SCARA5: variants seen among roughly 807,000 people sequenced by gnomAD.
SCARA5 encodes the protein scavenger receptor class A, member 5 (putative).
In SCARA5, 45 loss-of-function variants were observed where a neutral mutation model predicts 46.3. The observed-to-expected ratio is 0.97, with a 90% CI of 0.76 to 1.24. SCARA5 has a LOEUF of 1.24. SCARA5 is among the 50% of genes most tolerant of loss of function. The probability of loss-of-function intolerance (pLI) is 0.00; values close to 1 mark genes in which losing one functional copy is unlikely to be tolerated. For synonymous variants in SCARA5, 333 were observed against 306.5 expected, an observed-to-expected ratio of 1.09 and a Z score of -0.90; for missense variants, 680 against 689.0, an observed-to-expected ratio of 0.99 and a Z score of 0.15.
chr8:27,979,512 A>G (rs935899807), intron 2 of SCARA5, among the ~76,000 whole-genome samples: 3 of 150,960 alleles, frequency 2.0e-5, no homozygotes, highest in Admixed American at 6.6e-5. Flanking sequence ...CTCAGCAGAG[A>G]TGGGGTGTGA....
At chr8:27,883,917 T>C (rs1250622007) in intron 7 of SCARA5, among the ~76,000 whole-genome samples, 11 of 152,152 alleles carry the variant, frequency 7.2e-5, no homozygotes, top group Admixed American at 2.0e-4. Context: ...CCAAGTGGGC[T>C]GGAAGGAGCC....
At position 27,955,240 on chromosome 8, in the gene SCARA5, G is replaced by A. The variant is rs571164066; in HGVS notation, c.241+11174C>T. On this transcript the variant is annotated intron_variant, in intron 3 of 8. Coordinates refer to ENST00000354914, the MANE Select transcript of SCARA5 (RefSeq NM_173833.6). ...GACTCTTACCAGACAGAAACACAGC[G>A]AGGGACCCTGGGAGATGTCCTATCA... Among the ~76,000 whole-genome samples, 5 of 152,278 alleles carry A rather than the reference G, an allele frequency of 3.3e-5. No individual in the cohort carries two copies. In the East Asian group the frequency reaches 9.7e-4, roughly 29 times the overall value.
intron 7 of SCARA5, among the ~76,000 whole-genome samples, chr8:27,904,004 G>C (rs1230787490): frequency 2.9e-5 from 4 of 139,010 alleles, no homozygotes; most frequent in Non-Finnish European, 6.2e-5. Flanking sequence ...TTCTTCTCTG[G>C]CAAGTCTCCA....
At chr8:27,916,684 C>A (rs545988813) in intron 4 of SCARA5, among the ~76,000 whole-genome samples, 1 of 152,086 alleles carries the variant, frequency 6.6e-6, no homozygotes. Flanking sequence ...TTCAGATATA[C>A]CAGCAGGAAT....
intron 3 of SCARA5, among the ~76,000 whole-genome samples, chr8:27,941,753 A>C (rs1405346466): frequency 6.6e-6 from 1 of 151,486 alleles, no homozygotes; most frequent in Non-Finnish European, 1.5e-5. Flanking sequence ...TGTGGACATC[A>C]TCTCATTTTG....
intron 7 of SCARA5, among the ~76,000 whole-genome samples, chr8:27,886,586 G>C (rs1224276074): frequency 1.3e-5 from 2 of 152,164 alleles, no homozygotes; most frequent in African/African-American, 4.8e-5. Flanking sequence ...AGGCAGGCAG[G>C]CAGGAGCCTT....
intron 3 of SCARA5, among the ~76,000 whole-genome samples, chr8:27,922,847 G>A (rs1487984529): frequency 8.5e-5 from 13 of 152,172 alleles, no homozygotes; most frequent in Non-Finnish European, 2.9e-5. Flanking sequence ...TATTAGATTA[G>A]CAACTTTTTA....
intron 4 of SCARA5, among the ~76,000 whole-genome samples, chr8:27,913,026 C>T (rs749775458): frequency 1.1e-4 from 16 of 151,632 alleles, no homozygotes; most frequent in South Asian, 2.1e-4. Context: ...CTCTGCATAA[C>T]GCCTCCTCAC....
chr8:27,956,938 C>T (rs557908423), intron 3 of SCARA5, among the ~76,000 whole-genome samples: 95 of 152,256 alleles, frequency 6.2e-4, no homozygotes, highest in Middle Eastern at 6.8e-3. Flanking sequence ...GGGTGGAGGA[C>T]GGGAGCTCAT....
At position 27,988,113 on chromosome 8, in the gene SCARA5, G is replaced by T. The variant is rs542338362; in HGVS notation, c.-15-483C>A. ...TAGATATGAAGGGGCATTCAGAGGG[G>T]GTACAGAGTCCACTTGCAAACAAAG... On this transcript the variant is annotated intron_variant, in intron 1 of 8. Coordinates refer to ENST00000354914, the MANE Select transcript of SCARA5 (RefSeq NM_173833.6). 2.6e-5 allele frequency among the ~76,000 whole-genome samples: 4 copies of T among 152,302 alleles called. No homozygotes were observed. The South Asian group carries it at 8.3e-4, about 32-fold the overall frequency.
Position 27,955,159 on chromosome 8 carries a change from T to A in SCARA5, c.241+11255A>T, listed in dbSNP as rs142457618. On this transcript the variant is annotated intron_variant, in intron 3 of 8. Transcript: ENST00000354914. ...CCAGAGACCCCTCTAGAGATGGGGA[T>A]CCCTGTGACCAGTGTTACTGGCACC... Among the ~76,000 whole-genome samples the A allele has an allele frequency of 3.7e-4, 56 of 152,232 alleles. No homozygotes were observed. In the South Asian group the frequency reaches 7.3e-3, roughly 20 times the overall value.
chr8:27,939,366 G>T (rs1487883762), intron 3 of SCARA5, among the ~76,000 whole-genome samples: 1 of 152,182 alleles, frequency 6.6e-6, no homozygotes, highest in Non-Finnish European at 1.5e-5. Flanking sequence ...TGTTCACGTG[G>T]TGTGGACAAC....
chr8:27,905,523 T>TGGCGGGGGGGGGGGGGGGG (rs751627046), intron 6 of SCARA5, among the ~76,000 whole-genome samples: 1 of 53,638 alleles, frequency 1.9e-5, no homozygotes, highest in African/African-American at 5.0e-5. Context: ...ATCCAAGATT[T>TGGCGGGGGGGGGGGGGGGG]GGGGGGGGGA....
At chr8:27,895,216 G>A (rs1807044941) in intron 7 of SCARA5, among the ~76,000 whole-genome samples, 1 of 152,172 alleles carries the variant, frequency 6.6e-6, no homozygotes, top group Non-Finnish European at 1.5e-5. Context: ...TAGAGCCCTA[G>A]GGATAATTCG....
At chr8:27,966,386 G>T in intron 3 of SCARA5, 28 bp downstream of exon 3, 1 of 1,579,084 alleles carries the variant, frequency 6.3e-7, no homozygotes, top group Non-Finnish European at 8.6e-7. Flanking sequence ...CATCCCAAAA[G>T]ACCAGGACAA....
At chr8:27,931,651 G>A (rs1317801690) in intron 3 of SCARA5, among the ~76,000 whole-genome samples, 1 of 152,142 alleles carries the variant, frequency 6.6e-6, no homozygotes, top group Non-Finnish European at 1.5e-5. Flanking sequence ...TTTGGACAAA[G>A]AACCTTGCAT....
intron 8 of SCARA5, among the ~76,000 whole-genome samples, chr8:27,876,304 G>T (rs1806722645): frequency 6.6e-6 from 1 of 152,174 alleles, no homozygotes; most frequent in Non-Finnish European, 1.5e-5. Context: ...TTCTGACATG[G>T]GTGGTTTGAC....
At chr8:27,956,883 A>C (rs1281399088) in intron 3 of SCARA5, among the ~76,000 whole-genome samples, 1 of 152,238 alleles carries the variant, frequency 6.6e-6, no homozygotes, top group African/African-American at 2.4e-5. Flanking sequence ...CGATGCCTGC[A>C]GGACTGTCAC....
intron 3 of SCARA5, among the ~76,000 whole-genome samples, chr8:27,933,870 G>A (rs1299800103): frequency 6.6e-6 from 1 of 152,048 alleles, no homozygotes; most frequent in Non-Finnish European, 1.5e-5. Context: ...GGGAGAAGTT[G>A]GGAAAATGCT....
Sources: gnomAD v4.1 joint callset for allele counts (sites outside exome capture counted in the v4.1 genomes callset) on GRCh38, gnomAD v4.1.1 for gene constraint, MANE v1.5 for transcripts, NCBI Gene and HGNC (gene_info 2026-07-23, HGNC 2026-07-21) for gene names.